TAF1B: variants seen among roughly 807,000 people sequenced by gnomAD.
TAF1B encodes TATA box-binding protein-associated factor RNA polymerase I subunit B.
Under a neutral mutation model 83.9 loss-of-function variants are expected in TAF1B, and 61 were observed. That is an observed-to-expected ratio of 0.73 (90% CI 0.59 to 0.90). The LOEUF (loss-of-function observed/expected upper bound fraction) is 0.90, where lower values mean the gene tolerates loss of function less well. Ranked by LOEUF, TAF1B falls within the 40% of genes least tolerant of loss-of-function variation. The probability of loss-of-function intolerance (pLI) is 0.00; values close to 1 mark genes in which losing one functional copy is unlikely to be tolerated. For missense variants in TAF1B, 625 were observed against 677.0 expected, an observed-to-expected ratio of 0.92 and a Z score of 0.85; for synonymous variants, 221 against 224.6, an observed-to-expected ratio of 0.98 and a Z score of 0.14.
chr2:9,881,193 G>T (rs1044826228), intron 7 of TAF1B, among the ~76,000 whole-genome samples: 1 of 152,048 alleles, frequency 6.6e-6, no homozygotes, highest in Non-Finnish European at 1.5e-5. Context: ...AATTAGCCAG[G>T]CATGGTGGTG....
intron 5 of TAF1B, among the ~76,000 whole-genome samples, chr2:9,859,758 T>G (rs572028296): frequency 1.3e-5 from 2 of 152,308 alleles, no homozygotes; most frequent in South Asian, 2.1e-4. Context: ...TCTTCCTGTC[T>G]TCTTCTGAGC....
chr2:9,918,429 A>G (rs955864668), intron 12 of TAF1B, among the ~76,000 whole-genome samples: 4 of 152,160 alleles, frequency 2.6e-5, no homozygotes, highest in Admixed American at 2.0e-4. Context: ...GAACCCCAAG[A>G]GCCAGAGCAA....
At chr2:9,861,320 G>A (rs1663747844) in intron 5 of TAF1B, among the ~76,000 whole-genome samples, 2 of 152,266 alleles carry the variant, frequency 1.3e-5, no homozygotes, top group African/African-American at 4.8e-5. Flanking sequence ...TGGCTTGGAG[G>A]GTGCTATGCC....
chr2:9,864,460 C>CA (rs2125143785), intron 5 of TAF1B, among the ~76,000 whole-genome samples: 1 of 151,930 alleles, frequency 6.6e-6, no homozygotes, highest in Admixed American at 6.6e-5. Flanking sequence ...GCTTACCAAC[C>CA]AAAAAAAGTC....
At chr2:9,871,152 T>C (rs746002863) in intron 6 of TAF1B, among the ~76,000 whole-genome samples, 8 of 152,172 alleles carry the variant, frequency 5.3e-5, no homozygotes, top group Non-Finnish European at 7.4e-5. Flanking sequence ...CGATCTTGGC[T>C]CACTGCAAGC....
intron 2 of TAF1B, among the ~76,000 whole-genome samples, chr2:9,847,829 A>G (rs287988): frequency 0.21 from 30,906 of 150,670 alleles, 4,001 homozygotes; most frequent in Non-Finnish European, 0.3. Flanking sequence ...AGCTAAAATC[A>G]CCAGTAATCT....
chr2:9,918,756 G>A (rs1028756189), intron 12 of TAF1B, among the ~76,000 whole-genome samples: 7 of 152,182 alleles, frequency 4.6e-5, no homozygotes, highest in African/African-American at 1.7e-4. Context: ...GGAAATTTAT[G>A]GTGAAGGAAA....
At chr2:9,904,803 T>A in intron 8 of TAF1B, 56 bp from the exon 9 acceptor site, 1 of 1,524,596 alleles carries the variant, frequency 6.6e-7, no homozygotes, top group Non-Finnish European at 8.9e-7. Context: ...AACATATTTT[T>A]AAAAATAAGT....
chr2:9,858,048 A>G (rs2125139106), intron 5 of TAF1B, among the ~76,000 whole-genome samples: 1 of 152,260 alleles, frequency 6.6e-6, no homozygotes, highest in East Asian at 1.9e-4. Flanking sequence ...TCCAGCATTA[A>G]CTCATTAACT....
At position 9,919,047 on chromosome 2, in the gene TAF1B, G is replaced by A. The variant is rs773864327; in HGVS notation, c.1278G>A (p.Leu426=). 1 of 1,614,016 alleles carries A rather than the reference G, an allele frequency of 6.2e-7. No individual in the cohort carries two copies. Among genetic ancestry groups the A allele is most frequent in the Middle Eastern group, 1.7e-4 (1 of 6,060 alleles). ...QKWEEARAKY[L]WKSEKPLYYS... ...GTTTCTTTACCTTGTACAGGTACCT[G>A]TGGAAAAGTGAAAAGCCACTCTACT... is the stretch of plus-strand genomic sequence containing the variant. Residue 426 remains leucine, a synonymous_variant, in exon 13 of 15, where the codon CTG becomes CTA. Coordinates refer to ENST00000263663, the MANE Select transcript of TAF1B (RefSeq NM_005680.3).
intron 8 of TAF1B, among the ~76,000 whole-genome samples, chr2:9,883,745 C>T (rs12468582): frequency 0.23 from 34,642 of 152,148 alleles, 4,797 homozygotes; most frequent in East Asian, 0.31. Flanking sequence ...ACAATAGGTG[C>T]TTCCAAAGGG....
At chr2:9,844,812 C>G (rs1279326480) in intron 1 of TAF1B, among the ~76,000 whole-genome samples, 1 of 152,144 alleles carries the variant, frequency 6.6e-6, no homozygotes, top group Non-Finnish European at 1.5e-5. Flanking sequence ...AAACTTGAAA[C>G]CATTACAAAT....
intron 11 of TAF1B, among the ~76,000 whole-genome samples, 153 bp downstream of exon 11, chr2:9,911,710 T>A (rs551250990): frequency 8.5e-5 from 13 of 152,342 alleles, no homozygotes; most frequent in South Asian, 6.2e-4. Context: ...TTTTTTCATA[T>A]AATTACCTAC....
At chr2:9,924,066 T>G (rs535326749) in intron 14 of TAF1B, among the ~76,000 whole-genome samples, 19 of 152,344 alleles carry the variant, frequency 1.2e-4, no homozygotes, top group South Asian at 1.0e-3. Context: ...GCGATGAAAC[T>G]GCTGAGATTT....
intron 8 of TAF1B, among the ~76,000 whole-genome samples, chr2:9,898,736 G>A (rs75117624): frequency 0.014 from 2,105 of 152,136 alleles, 49 homozygotes; most frequent in African/African-American, 0.047. Context: ...TAATAACTCC[G>A]TATTTCCCCC....
chr2:9,843,610 G>C (rs1026675074), intron 1 of TAF1B, 51 bp downstream of exon 1: 27 of 1,463,768 alleles, frequency 1.8e-5, no homozygotes, highest in Non-Finnish European at 2.4e-5. Flanking sequence ...CCGGAGGAGA[G>C]AGAAGCTGAG....
Position 9,904,968 on chromosome 2 carries a change from T to C in TAF1B, c.917T>C (p.Ile306Thr), listed in dbSNP as rs138651506. ...ITEDCYLHPNILCMKYLMEVN... is the reference protein window; with the variant it reads ...ITEDCYLHPNTLCMKYLMEVN... ...GAAGACTGCTATCTTCATCCCAACA[T>C]ACTGTGTATGAAATACTTGATGGAA... Residue 306 changes from isoleucine to threonine, a missense_variant, in exon 9 of 15, where the codon ATA (isoleucine) becomes ACA (threonine). Ile to Thr is a moderately conservative substitution (Grantham distance 89, BLOSUM62 -1). Transcript: ENST00000263663. The C allele has an allele frequency of 1.5e-4, 242 of 1,612,578 alleles. No homozygotes were observed. The highest frequency in any genetic ancestry group is 2.0e-4 in the Non-Finnish European group (230 of 1,178,786).
intron 8 of TAF1B, among the ~76,000 whole-genome samples, chr2:9,893,939 A>G (rs1167884814): frequency 6.6e-6 from 1 of 152,188 alleles, no homozygotes; most frequent in South Asian, 2.1e-4. Context: ...CATAGCTTAC[A>G]GATATAGTAT....
chr2:9,851,722 C>A, intron 4 of TAF1B, 84 bp downstream of exon 4: 1 of 1,103,406 alleles, frequency 9.1e-7, no homozygotes, highest in South Asian at 1.5e-5. Flanking sequence ...AAGGAGAAAT[C>A]AGTAGTAACA....
Sources: gnomAD v4.1 joint callset for allele counts (sites outside exome capture counted in the v4.1 genomes callset) on GRCh38, gnomAD v4.1.1 for gene constraint, MANE v1.5 for transcripts, NCBI Gene and HGNC (gene_info 2026-07-23, HGNC 2026-07-21) for gene names.